The following RNF170 variants were observed in gnomAD, a reference collection of about 807,000 sequenced individuals.
RNF170 encodes E3 ubiquitin-protein ligase RNF170.
In RNF170, 12 loss-of-function variants were observed where a neutral mutation model predicts 32.7. The ratio of observed to expected loss-of-function variants is 0.37; its 90% confidence interval spans 0.24 to 0.60. RNF170 has a LOEUF of 0.60. Among genes scored for constraint, RNF170 ranks in the 20% least tolerant of loss-of-function variants. RNF170 has a pLI of 0.72. For synonymous variants in RNF170, 91 were observed against 103.6 expected (o/e 0.88, Z 0.74); for missense variants, 212 against 311.2 (o/e 0.68, Z 2.40).
intron 1 of RNF170, among the ~76,000 whole-genome samples, chr8:42,890,066 T>C (rs889048097): frequency 6.6e-6 from 1 of 152,144 alleles, no homozygotes; most frequent in African/African-American, 2.4e-5. Flanking sequence ...ACAAATGCAT[T>C]GTAATTATTC....
At chr8:42,872,538 G>A (rs1348294474) in intron 3 of RNF170, among the ~76,000 whole-genome samples, 1 of 152,122 alleles carries the variant, frequency 6.6e-6, no homozygotes. Flanking sequence ...CGCCTCCCGG[G>A]TTCAAGTGAT....
At chr8:42,851,333 T>A (rs561182398), downstream of RNF170, among the ~76,000 whole-genome samples, 3 of 152,158 alleles carry the variant, frequency 2.0e-5, no homozygotes, top group South Asian at 6.2e-4. Context: ...AGGCCGGGAC[T>A]GGCGGATTAC....
At chr8:42,858,558 G>T (rs1803415486) in intron 6 of RNF170, among the ~76,000 whole-genome samples, 1 of 152,178 alleles carries the variant, frequency 6.6e-6, no homozygotes, top group African/African-American at 2.4e-5. Flanking sequence ...GAAAGATAAT[G>T]AACAAGAATT....
At chr8:42,850,675 T>G (rs1802917821), downstream of RNF170, 46 of 1,142,478 alleles carry the variant, frequency 4.0e-5, no homozygotes, top group Middle Eastern at 1.9e-4. Flanking sequence ...GATGCTGTGC[T>G]GAGATGTCTG....
chr8:42,871,018 G>A (rs1330738119), intron 3 of RNF170, among the ~76,000 whole-genome samples: 1 of 151,984 alleles, frequency 6.6e-6, no homozygotes, highest in Non-Finnish European at 1.5e-5. Context: ...AGACCAGCCT[G>A]GTCAACATGG....
rs1305236355 is a variant in RNF170, at chr8:42,855,013, TC to T, written c.*1145del. ...TTCTTTTGTCAAATGTAAATACCGT[TC>T]CCAGTACCTTCCTATTGGCTTGATG... is the stretch of plus-strand genomic sequence containing the variant. On this transcript the variant is annotated 3_prime_UTR_variant, in exon 7 of 7. Transcript: ENST00000527424. The T allele has an allele frequency of 8.5e-6, 11 of 1,287,212 alleles. No homozygotes were observed. The highest frequency in any genetic ancestry group is 1.5e-5 in the African/African-American group (1 of 65,896). The allele number at this position is 1,287,212 out of a possible 1,614,324, so 79.7% of individuals were successfully genotyped here.
chr8:42,881,618 G>C (rs1805413902), intron 2 of RNF170: 1 of 152,194 alleles, frequency 6.6e-6, no homozygotes, highest in Non-Finnish European at 1.5e-5. Flanking sequence ...ATTTTCCTAA[G>C]TGAATTAATA....
chr8:42,859,063 A>G (rs1177584162), intron 6 of RNF170, among the ~76,000 whole-genome samples: 1 of 152,140 alleles, frequency 6.6e-6, no homozygotes, highest in African/African-American at 2.4e-5. Context: ...ATGCACCTGT[A>G]GTCCCATCTA....
chr8:42,884,655 A>G (rs1805662772), intron 2 of RNF170, among the ~76,000 whole-genome samples: 2 of 151,936 alleles, frequency 1.3e-5, no homozygotes, highest in Admixed American at 1.3e-4. Context: ...AAAGTAGCCT[A>G]TACAGTTTTC....
chr8:42,861,711 C>T (rs1803675955), intron 6 of RNF170, 34 bp downstream of exon 6: 3 of 1,468,068 alleles, frequency 2.0e-6, no homozygotes, highest in African/African-American at 2.8e-5. Context: ...AATGTGTCTT[C>T]CTCTAACTTT....
chr8:42,865,100 TA>T (rs929412693), intron 5 of RNF170, among the ~76,000 whole-genome samples: 82 of 150,980 alleles, frequency 5.4e-4, no homozygotes, highest in Non-Finnish European at 1.0e-3. Context: ...TTACTAAAAA[TA>T]AAAAAATTAG....
rs1803011091 is a variant in RNF170 at position 42,853,513 on chromosome 8, A to G, written c.*2646T>C. 7.8e-7 allele frequency: 1 copy of G among 1,287,048 alleles called. No homozygotes were observed. Among genetic ancestry groups the G allele is most frequent in the Admixed American group, 2.3e-5 (1 of 43,514 alleles). 79.7% of individuals were successfully genotyped at this position (1,287,048 alleles called of 1,614,324 possible). ...AACCACTGTTCTAGTGGGCAGTTAG[A>G]ACAGTTGTTTTCCCCGTCTTGTTCC... On this transcript the variant is annotated 3_prime_UTR_variant, in exon 7 of 7. Coordinates refer to ENST00000527424, the MANE Select transcript of RNF170 (RefSeq NM_030954.4).
At position 42,856,240 on chromosome 8, in the gene RNF170, A is replaced by G. The variant is rs1344251598; in HGVS notation, c.696T>C (p.Asp232=). The G allele has an allele frequency of 4.3e-6, 7 of 1,611,124 alleles. No homozygotes were observed. The highest frequency in any genetic ancestry group is 1.3e-5 in the African/African-American group (1 of 74,788). Residue 232 remains aspartate (D), a synonymous_variant, in exon 7 of 7, where the codon GAT becomes GAC. Transcript: ENST00000527424. ...GCAATAAAAAGATGACAAAGAAATC[A>G]TCTAGAAAGCCTAGAATTCCAAACA... is the stretch of plus-strand genomic sequence containing the variant. The part of the protein sequence containing the change: ...EALFGILGFL[D]DFFVIFLLLI...
At chr8:42,864,291 G>C (rs1183328472) in intron 5 of RNF170, among the ~76,000 whole-genome samples, 1 of 151,668 alleles carries the variant, frequency 6.6e-6, no homozygotes, top group Non-Finnish European at 1.5e-5. Flanking sequence ...TGTAGAGATG[G>C]AATCTCATTT....
chr8:42,851,424 G>A (rs1011590901), downstream of RNF170, among the ~76,000 whole-genome samples: 35 of 151,932 alleles, frequency 2.3e-4, no homozygotes, highest in Non-Finnish European at 4.9e-4. Flanking sequence ...AATTAGTTGG[G>A]TGTGGTGGTG....
chr8:42,872,198 C>T (rs1038147075), intron 3 of RNF170, among the ~76,000 whole-genome samples: 2 of 152,162 alleles, frequency 1.3e-5, no homozygotes, highest in Non-Finnish European at 2.9e-5. Flanking sequence ...TGCAAGGAGA[C>T]CTGGAAGATT....
chr8:42,879,580 G>C (rs1239372847), intron 2 of RNF170, among the ~76,000 whole-genome samples: 1 of 152,282 alleles, frequency 6.6e-6, no homozygotes, highest in East Asian at 1.9e-4. Context: ...GAACCCGGGG[G>C]GCGGTGGTTG....
chr8:42,860,237 T>C (rs964461253), intron 6 of RNF170, among the ~76,000 whole-genome samples: 5 of 152,220 alleles, frequency 3.3e-5, no homozygotes, highest in African/African-American at 1.2e-4. Context: ...TAGTACATTC[T>C]AGTTTTTGAA....
intron 5 of RNF170, among the ~76,000 whole-genome samples, chr8:42,864,271 T>A (rs1803922334): frequency 6.6e-6 from 1 of 152,026 alleles, no homozygotes; most frequent in African/African-American, 2.4e-5. Flanking sequence ...TTTCATTTTT[T>A]AAATTTTTTT....
Sources: allele counts gnomAD v4.1 joint callset (sites outside exome capture counted in the v4.1 genomes callset), GRCh38; gene constraint gnomAD v4.1.1; transcripts MANE v1.5; gene names NCBI Gene and HGNC (gene_info 2026-07-23, HGNC 2026-07-21).